Variants in CD47 observed in about 807,000 individuals in gnomAD.
CD47 encodes CD47 molecule, also known as leukocyte surface antigen CD47.
In CD47, 11 loss-of-function variants were observed where a neutral mutation model predicts 44.6. That is an observed-to-expected ratio of 0.25 (90% CI 0.16 to 0.41). The LOEUF (loss-of-function observed/expected upper bound fraction) is 0.41, where lower values mean the gene tolerates loss of function less well. Ranked by LOEUF, CD47 falls within the 10% of genes least tolerant of loss-of-function variation. The probability of loss-of-function intolerance (pLI) is 1.00; values close to 1 mark genes in which losing one functional copy is unlikely to be tolerated. For missense variants in CD47, 306 were observed against 386.7 expected (o/e 0.79, Z 1.75); for synonymous variants, 140 against 136.3 (o/e 1.03, Z -0.19).
chr3:108,051,033 G>A (rs2078817621), intron 8 of CD47, among the ~76,000 whole-genome samples: 1 of 152,228 alleles, frequency 6.6e-6, no homozygotes, highest in African/African-American at 2.4e-5. Context: ...GTCCAGTTAA[G>A]TTGCTGGCCT....
At chr3:108,071,507 CTAACT>C (rs1263352295) in intron 2 of CD47, among the ~76,000 whole-genome samples, 1 of 152,200 alleles carries the variant, frequency 6.6e-6, no homozygotes, top group Non-Finnish European at 1.5e-5. Context: ...GAACCCAACT[CTAACT>C]TAACACTCTA....
At chr3:108,080,420 T>C (rs994824110) in intron 1 of CD47, 76 bp from the exon 2 acceptor site, 10 of 738,640 alleles carry the variant, frequency 1.4e-5, no homozygotes, top group Middle Eastern at 7.8e-4. Flanking sequence ...TTACAAATCC[T>C]TAAGATAAAC....
chr3:108,054,541 A>G (rs1225532093), intron 7 of CD47: 2 of 152,064 alleles, frequency 1.3e-5, no homozygotes, highest in Non-Finnish European at 2.9e-5. Flanking sequence ...AGACATTGAC[A>G]GCCATATATA....
At chr3:108,049,378 T>A (rs1045750915) in intron 10 of CD47, among the ~76,000 whole-genome samples, 1 of 152,210 alleles carries the variant, frequency 6.6e-6, no homozygotes, top group African/African-American at 2.4e-5. Flanking sequence ...AAAGTGGTAA[T>A]TTCTCTTTGC....
At position 108,060,814 on chromosome 3, in the gene CD47, T is replaced by C. The variant is rs367689645; in HGVS notation, c.529A>G (p.Ile177Val). The change falls in exon 4 of 11, where the codon ATT becomes GTT. Residue 177 changes from isoleucine (I) to valine (V), a missense_variant. By Grantham distance (29) the Ile-to-Val change is conservative. Around this residue, in one of 5 missense-constraint regions of CD47, gnomAD observed 65 missense variants for 119.9 expected, o/e 0.54. Coordinates refer to ENST00000361309, the MANE Select transcript of CD47 (RefSeq NM_001777.4). Reference protein sequence around the residue: ...YRSGGMDEKTIALLVAGLVIT... With the variant: ...YRSGGMDEKTVALLVAGLVIT... ...ACTAGTCCAGCAACAAGTAAAGCAATTGTTTTCTCATCCATACCACCGGAT... is the reference window on the plus strand; with the variant it reads ...ACTAGTCCAGCAACAAGTAAAGCAACTGTTTTCTCATCCATACCACCGGAT... The C allele has an allele frequency of 1.1e-5, 18 of 1,613,338 alleles. No individual in the cohort carries two copies. The highest frequency in any genetic ancestry group is 6.7e-5 in the African/African-American group (5 of 74,872).
intron 7 of CD47, among the ~76,000 whole-genome samples, chr3:108,056,900 A>T (rs1412128915): frequency 6.6e-6 from 1 of 152,212 alleles, no homozygotes; most frequent in Non-Finnish European, 1.5e-5. Flanking sequence ...TTGAAACTCA[A>T]TGTTTTCATT....
chr3:108,082,644 A>G (rs2079440680), intron 1 of CD47, among the ~76,000 whole-genome samples: 1 of 152,046 alleles, frequency 6.6e-6, no homozygotes, highest in African/African-American at 2.4e-5. Flanking sequence ...GAACTCAGTC[A>G]TCCTATGAAA....
intron 4 of CD47, 48 bp downstream of exon 4, chr3:108,060,697 T>A (rs376096732): frequency 2.5e-6 from 3 of 1,211,450 alleles, no homozygotes; most frequent in Non-Finnish European, 3.7e-6. Context: ...CACCTTGGAA[T>A]GCACTCATCT....
intron 3 of CD47, among the ~76,000 whole-genome samples, chr3:108,063,089 TAGAC>T (rs1464013646): frequency 2.0e-5 from 3 of 152,188 alleles, no homozygotes; most frequent in Non-Finnish European, 4.4e-5. Context: ...AATACTACCA[TAGAC>T]AGGGTTCCAC....
chr3:108,082,408 A>C (rs1028833522), intron 1 of CD47, among the ~76,000 whole-genome samples: 1 of 152,030 alleles, frequency 6.6e-6, no homozygotes, highest in African/African-American at 2.4e-5. Context: ...TGCCCTGAGG[A>C]TATTGACCAA....
At chr3:108,079,591 A>C (rs1466173062) in intron 2 of CD47, among the ~76,000 whole-genome samples, 1 of 149,214 alleles carries the variant, frequency 6.7e-6, no homozygotes, top group Non-Finnish European at 1.5e-5. Flanking sequence ...AAAAAAAAAA[A>C]AAAACACAAA....
intron 3 of CD47, among the ~76,000 whole-genome samples, chr3:108,062,127 C>CCA (rs2079026091): frequency 6.6e-6 from 1 of 151,934 alleles, no homozygotes; most frequent in African/African-American, 2.4e-5. Context: ...TAACTGAAAT[C>CCA]CACATTAATC....
chr3:108,079,743 G>A (rs554008195), intron 2 of CD47, among the ~76,000 whole-genome samples: 1 of 151,918 alleles, frequency 6.6e-6, no homozygotes, highest in African/African-American at 2.4e-5. Context: ...CCAAAAGTTT[G>A]AGAACCACAC....
intron 2 of CD47, among the ~76,000 whole-genome samples, chr3:108,072,317 G>A (rs1255709027): frequency 2.0e-5 from 3 of 152,146 alleles, no homozygotes; most frequent in Admixed American, 2.0e-4. Flanking sequence ...TCAGGTCACA[G>A]GTGAGGAATT....
Position 108,074,722 on chromosome 3 carries a change from G to C in CD47, c.401-3540C>G, listed in dbSNP as rs1049380826. ...ATATGTGGGGCGGGTGGGGGGGGGGGGCACACAATGGAGAAGGGCATCCAG... is the reference window on the plus strand; with the variant it reads ...ATATGTGGGGCGGGTGGGGGGGGGGCGCACACAATGGAGAAGGGCATCCAG... On this transcript the variant is annotated intron_variant, in intron 2 of 10. Coordinates refer to ENST00000361309, the MANE Select transcript of CD47 (RefSeq NM_001777.4). Among the ~76,000 whole-genome samples the C allele has an allele frequency of 6.0e-5, 8 of 133,832 alleles. No individual in the cohort carries two copies. The South Asian group carries it at 2.2e-3, about 37-fold the overall frequency. 87.8% of individuals were successfully genotyped at this position (133,832 alleles called of 152,430 possible). A position where few individuals can be genotyped will look rare whatever the true frequency, so the allele number is the denominator to read the frequency against.
chr3:108,051,599 T>C (rs1325285498), intron 8 of CD47, among the ~76,000 whole-genome samples: 1 of 152,234 alleles, frequency 6.6e-6, no homozygotes. Context: ...TCATTCTGTG[T>C]ATGCACATCC....
intron 7 of CD47, chr3:108,052,616 T>C (rs1308657656): frequency 2.0e-5 from 3 of 152,316 alleles, no homozygotes; most frequent in African/African-American, 7.2e-5. Flanking sequence ...GGAAAAAGAA[T>C]ACCCTAGTTG....
At chr3:108,049,978 G>T (rs558195823) in intron 9 of CD47, among the ~76,000 whole-genome samples, 2 of 152,106 alleles carry the variant, frequency 1.3e-5, no homozygotes, top group African/African-American at 4.8e-5. Flanking sequence ...CTACTAGGGG[G>T]TGCCATGCTT....
intron 3 of CD47, among the ~76,000 whole-genome samples, chr3:108,062,058 A>G (rs1021154638): frequency 1.3e-5 from 2 of 152,088 alleles, no homozygotes; most frequent in East Asian, 1.9e-4. Flanking sequence ...TTATGGGGAG[A>G]TAAGTCCTAA....
Sources: gnomAD v4.1 joint callset for allele counts (sites outside exome capture counted in the v4.1 genomes callset) on GRCh38, gnomAD v4.1.1 for gene constraint, gnomAD v4.1.1 regional missense constraint, MANE v1.5 for transcripts, NCBI Gene and HGNC (gene_info 2026-07-23, HGNC 2026-07-21) for gene names.